The following SGCD variants were observed in gnomAD, a reference collection of about 807,000 sequenced individuals.
SGCD encodes sarcoglycan delta.
In SGCD, 18 loss-of-function variants were observed where a neutral mutation model predicts 36.6. That is an observed-to-expected ratio of 0.49 (90% CI 0.34 to 0.73). The LOEUF (loss-of-function observed/expected upper bound fraction) is 0.73. SGCD is among the 30% of genes least tolerant of loss of function. SGCD has a pLI of 0.01. For synonymous variants in SGCD, 133 were observed against 130.6 expected, an observed-to-expected ratio of 1.02 and a Z score of -0.12; for missense variants, 387 against 346.7, an observed-to-expected ratio of 1.12 and a Z score of -0.92.
At chr5:156,585,165 T>C (rs557799203) in intron 4 of SGCD, among the ~76,000 whole-genome samples, 1 of 152,304 alleles carries the variant, frequency 6.6e-6, no homozygotes, top group African/African-American at 2.4e-5. Context: ...TCCCAGCTTA[T>C]TTTGAGAAAG....
chr5:156,634,741 G>A lies in SGCD; in HGVS notation c.503-12723G>A, dbSNP rs192603343. Among the ~76,000 whole-genome samples, 28 of 152,172 alleles carry A rather than the reference G, an allele frequency of 1.8e-4. No homozygotes were observed. In the East Asian group the frequency reaches 5.0e-3, roughly 27 times the overall value. On this transcript the variant is annotated intron_variant, in intron 6 of 8. Transcript: ENST00000337851. The stretch of plus-strand genomic sequence containing the variant: ...TGAAAACCCACAGATCTATTAATAT[G>A]CACCACAAAGAGTACATTTTCCTTT...
intron 3 of SGCD, among the ~76,000 whole-genome samples, chr5:156,496,151 C>G (rs1460988679): frequency 1.3e-5 from 2 of 152,082 alleles, no homozygotes; most frequent in East Asian, 3.9e-4. Context: ...GAATAGAATT[C>G]TTTTACAAGT....
intron 1 of SGCD, among the ~76,000 whole-genome samples, chr5:155,996,863 GGATAGATAGATA>G (rs10696253): frequency 1.4e-4 from 19 of 133,472 alleles, no homozygotes; most frequent in African/African-American, 3.2e-4. Flanking sequence ...CTGGATGGAT[GGATAGATAGATA>G]GATAGATAGA....
intron 3 of SGCD, among the ~76,000 whole-genome samples, chr5:156,148,198 C>T (rs1488341364): frequency 6.6e-6 from 1 of 152,120 alleles, no homozygotes; most frequent in African/African-American, 2.4e-5. Flanking sequence ...ATAAGGAAAT[C>T]ATGTTTCAAA....
At chr5:156,656,293 A>G (rs1237874141) in intron 7 of SGCD, among the ~76,000 whole-genome samples, 2 of 152,150 alleles carry the variant, frequency 1.3e-5, no homozygotes, top group African/African-American at 4.8e-5. Context: ...AGGGAATACA[A>G]CAGAAATGTC....
chr5:156,439,904 T>C (rs572308629), intron 3 of SGCD, among the ~76,000 whole-genome samples: 1 of 152,252 alleles, frequency 6.6e-6, no homozygotes, highest in African/African-American at 2.4e-5. Flanking sequence ...TTTGTGCCTT[T>C]CACTCTATCT....
rs1351863969 is a variant in SGCD at position 156,341,317 on chromosome 5, A to T, written c.4-3172A>T. Among the ~76,000 whole-genome samples, 3 of 151,848 alleles carry T rather than the reference A, an allele frequency of 2.0e-5. No individual in the cohort carries two copies. The East Asian group carries it at 5.8e-4, about 29-fold the overall frequency. ...TAAGCAGAGGAACTCCACTTTTTTT[A>T]TTTTTTATTTTATTTTATTTTATTT... On this transcript the variant is annotated intron_variant, in intron 2 of 8. Coordinates refer to ENST00000337851, the MANE Select transcript of SGCD (RefSeq NM_000337.6).
intron 2 of SGCD, among the ~76,000 whole-genome samples, chr5:156,339,948 T>A (rs1028237987): frequency 4.6e-5 from 7 of 152,246 alleles, no homozygotes; most frequent in African/African-American, 1.7e-4. Flanking sequence ...GACAGCTATA[T>A]GCCATTATCA....
intron 1 of SGCD, among the ~76,000 whole-genome samples, chr5:155,944,899 G>A (rs1024237462): frequency 6.7e-6 from 1 of 150,318 alleles, no homozygotes; most frequent in African/African-American, 2.5e-5. Context: ...CTTTGAAGAT[G>A]TAAGAGCCAT....
intron 8 of SGCD, 102 bp downstream of exon 8, chr5:156,757,806 C>A: frequency 7.1e-7 from 1 of 1,407,504 alleles, no homozygotes; most frequent in Non-Finnish European, 9.3e-7. Context: ...AGTGTATCAA[C>A]AAAAGGAGCC....
intron 3 of SGCD, among the ~76,000 whole-genome samples, chr5:156,390,106 A>G (rs1451302460): frequency 6.6e-6 from 1 of 152,244 alleles, no homozygotes; most frequent in Non-Finnish European, 1.5e-5. Flanking sequence ...TATAGCACAT[A>G]CAATTATGTA....
chr5:156,564,502 T>C (rs1232417786), intron 4 of SGCD, among the ~76,000 whole-genome samples: 1 of 152,188 alleles, frequency 6.6e-6, no homozygotes, highest in African/African-American at 2.4e-5. Flanking sequence ...TTATACATAA[T>C]GTAAAACTGA....
At chr5:156,129,525 G>A (rs1193708754) in intron 3 of SGCD, among the ~76,000 whole-genome samples, 2 of 152,120 alleles carry the variant, frequency 1.3e-5, no homozygotes, top group South Asian at 2.1e-4. Context: ...TACATGCGAA[G>A]CTTTGTTATG....
intron 3 of SGCD, among the ~76,000 whole-genome samples, chr5:156,215,440 G>T (rs534223986): frequency 9.9e-5 from 15 of 151,992 alleles, no homozygotes; most frequent in Non-Finnish European, 1.9e-4. Context: ...TCTCATAAGG[G>T]ATTAATATTC....
chr5:156,632,061 C>A (rs923159857), intron 6 of SGCD, among the ~76,000 whole-genome samples: 5 of 152,070 alleles, frequency 3.3e-5, no homozygotes, highest in South Asian at 4.1e-4. Flanking sequence ...TATGACCATC[C>A]CTGGTGCTTT....
chr5:155,930,325 G>T (rs1757075996), intron 1 of SGCD, among the ~76,000 whole-genome samples: 1 of 152,074 alleles, frequency 6.6e-6, no homozygotes, highest in Non-Finnish European at 1.5e-5. Context: ...AAATGAAATG[G>T]GTCTGAGATG....
At chr5:155,847,128 T>C in the SGCD span, among the ~76,000 whole-genome samples, 4 of 152,206 alleles carry the variant, frequency 2.6e-5, no homozygotes, top group Non-Finnish European at 4.4e-5. Context: ...GTGCTCTGTT[T>C]GTGTATGCAC....
the SGCD span, among the ~76,000 whole-genome samples, chr5:155,741,056 A>C: frequency 6.6e-6 from 1 of 152,198 alleles, no homozygotes; most frequent in South Asian, 2.1e-4. Context: ...TTGGTTTGAC[A>C]TGGAAAGGTG....
At chr5:156,204,826 C>T (rs1581167043) in intron 3 of SGCD, among the ~76,000 whole-genome samples, 2 of 152,050 alleles carry the variant, frequency 1.3e-5, no homozygotes, top group East Asian at 3.9e-4. Context: ...TAAGTAGCTA[C>T]TTAAAAATAA....
Sources: gnomAD v4.1 joint callset for allele counts (sites outside exome capture counted in the v4.1 genomes callset) on GRCh38, gnomAD v4.1.1 for gene constraint, MANE v1.5 for transcripts, NCBI Gene and HGNC (gene_info 2026-07-23, HGNC 2026-07-21) for gene names.